Variants in SCG3 observed in about 807,000 individuals in gnomAD.
SCG3 encodes the protein secretogranin-3.
Under a neutral mutation model 56.2 loss-of-function variants are expected in SCG3, and 38 were observed. That is an observed-to-expected ratio of 0.68 (90% CI 0.52 to 0.89). The LOEUF (loss-of-function observed/expected upper bound fraction) is 0.89, where lower values mean the gene tolerates loss of function less well. SCG3 is among the 40% of genes least tolerant of loss of function. The pLI, the probability that SCG3 is intolerant of heterozygous loss-of-function variation, is 0.00. For missense variants in SCG3, 524 were observed against 540.7 expected (o/e 0.97, Z 0.31); for synonymous variants, 176 against 184.2 (o/e 0.96, Z 0.36).
intron 7 of SCG3, among the ~76,000 whole-genome samples, chr15:51,692,835 A>G (rs1045214725): frequency 6.6e-6 from 1 of 152,186 alleles, no homozygotes; most frequent in African/African-American, 2.4e-5. Context: ...TAACTAGTGT[A>G]TCTATCACCT....
Position 51,681,690 on chromosome 15 carries a change from T to C in SCG3, c.-66T>C, listed in dbSNP as rs2055195148. 37 of 831,414 alleles carry C rather than the reference T, an allele frequency of 4.5e-5. 2 individuals are homozygous for C. The South Asian group carries it at 4.9e-4, about 11-fold the overall frequency. 51.5% of individuals were successfully genotyped at this position (831,414 alleles called of 1,614,324 possible). A position where few individuals can be genotyped will look rare whatever the true frequency, so the allele number is the denominator to read the frequency against. On this transcript the variant is annotated 5_prime_UTR_variant, in exon 1 of 12. Transcript: ENST00000220478. ...TTCCTGTTTTTACTCCTCCTTTTCA[T>C]TCATAACAAAAGCTACAGCTCCAGG...
chr15:51,694,731 T>A (rs1437896529), intron 7 of SCG3, among the ~76,000 whole-genome samples: 1 of 152,158 alleles, frequency 6.6e-6, no homozygotes, highest in Admixed American at 6.5e-5. Context: ...GAATGTCAAA[T>A]ACAAAGGGTT....
At chr15:51,701,454 T>C (rs904822467) in intron 10 of SCG3, among the ~76,000 whole-genome samples, 1 of 152,252 alleles carries the variant, frequency 6.6e-6, no homozygotes, top group Non-Finnish European at 1.5e-5. Flanking sequence ...TGATTTCATC[T>C]TTTGATAGTC....
chr15:51,681,964 G>T, intron 1 of SCG3, 127 bp downstream of exon 1: 1 of 685,968 alleles, frequency 1.5e-6, no homozygotes, highest in South Asian at 1.8e-5. Context: ...CATGAATACG[G>T]ACAGAGAAAT....
intron 10 of SCG3, among the ~76,000 whole-genome samples, chr15:51,706,719 T>C (rs980067804): frequency 2.0e-5 from 3 of 152,096 alleles, no homozygotes; most frequent in Admixed American, 2.0e-4. Context: ...TCTATATTTA[T>C]ATCATGCTTC....
intron 11 of SCG3, among the ~76,000 whole-genome samples, chr15:51,717,284 C>A (rs975635379): frequency 6.6e-6 from 1 of 151,604 alleles, no homozygotes; most frequent in Non-Finnish European, 1.5e-5. Flanking sequence ...AGAAGAATGG[C>A]GTGAACCCGG....
Position 51,692,340 on chromosome 15 carries a change from A to G in SCG3, c.868+4A>G, listed in dbSNP as rs780358884. On this transcript the variant is annotated splice_donor_region_variant and intron_variant, in intron 7 of 11. Coordinates refer to ENST00000220478, the MANE Select transcript of SCG3 (RefSeq NM_013243.4). ...CTACTGAAAAGTATTGATTCAGGTA[A>G]CCACTGTGTGGTTGTGATTATGTGG... 1 of 1,612,046 alleles carries G rather than the reference A, an allele frequency of 6.2e-7. No individual in the cohort carries two copies. Among genetic ancestry groups the G allele is most frequent in the Admixed American group, 1.7e-5 (1 of 59,818 alleles).
chr15:51,704,794 T>TATATATATATATATAC (rs1461091125), intron 10 of SCG3, among the ~76,000 whole-genome samples: 3 of 140,428 alleles, frequency 2.1e-5, no homozygotes, highest in Admixed American at 1.4e-4. Context: ...TATATATATA[T>TATATATATATATATAC]ACATCTCTCT....
chr15:51,692,705 ACT>A (rs1315522399), intron 7 of SCG3, among the ~76,000 whole-genome samples: 1 of 151,888 alleles, frequency 6.6e-6, no homozygotes, highest in Non-Finnish European at 1.5e-5. Flanking sequence ...TCTTATTGCA[ACT>A]CTTTTTTTCT....
intron 4 of SCG3, 52 bp from the exon 5 acceptor site, chr15:51,688,208 A>T (rs1000496419): frequency 3.2e-6 from 5 of 1,538,844 alleles, no homozygotes; most frequent in Admixed American, 1.8e-5. Context: ...AATATGATGC[A>T]TGAAATAGAT....
intron 7 of SCG3, chr15:51,693,123 G>A (rs1306295638): frequency 6.6e-6 from 1 of 152,100 alleles, no homozygotes; most frequent in Admixed American, 6.5e-5. Flanking sequence ...CTACATATAA[G>A]TGAGATCATA....
chr15:51,710,269 G>A (rs2055412170), intron 10 of SCG3, among the ~76,000 whole-genome samples: 1 of 152,122 alleles, frequency 6.6e-6, no homozygotes, highest in Non-Finnish European at 1.5e-5. Flanking sequence ...TGCTACAGTA[G>A]AAGGTAATAA....
intron 10 of SCG3, among the ~76,000 whole-genome samples, chr15:51,707,471 G>A (rs77109818): frequency 0.049 from 7,427 of 152,268 alleles, 580 homozygotes; most frequent in African/African-American, 0.17. Flanking sequence ...GGGTCAGGAA[G>A]ACCCAAGTAG....
intron 11 of SCG3, chr15:51,715,065 T>C (rs2055445151): frequency 6.6e-6 from 1 of 152,204 alleles, no homozygotes; most frequent in Non-Finnish European, 1.5e-5. Flanking sequence ...GGTACATCAA[T>C]TTGGAGTATT....
At chr15:51,693,770 C>T (rs1389676712) in intron 7 of SCG3, 4 of 152,182 alleles carry the variant, frequency 2.6e-5, no homozygotes, top group South Asian at 4.1e-4. Context: ...CAGATGGCAC[C>T]GGCCACTCTG....
At chr15:51,704,244 C>CATACATACATATAT (rs751546589) in intron 10 of SCG3, among the ~76,000 whole-genome samples, 18 of 73,628 alleles carry the variant, frequency 2.4e-4, no homozygotes, top group South Asian at 1.4e-3. Flanking sequence ...TACATACATA[C>CATACATACATATAT]ATATATATAT....
intron 4 of SCG3, among the ~76,000 whole-genome samples, chr15:51,686,369 A>C (rs2055228692): frequency 6.6e-6 from 1 of 152,048 alleles, no homozygotes; most frequent in South Asian, 2.1e-4. Context: ...CAGAGCAAAG[A>C]CTCTTCAGTG....
intron 10 of SCG3, among the ~76,000 whole-genome samples, chr15:51,706,936 T>A (rs2055380135): frequency 6.6e-6 from 1 of 152,200 alleles, no homozygotes; most frequent in Non-Finnish European, 1.5e-5. Context: ...ATTCCTAAGT[T>A]TATGGATATG....
At chr15:51,703,864 A>G (rs894197913) in intron 10 of SCG3, among the ~76,000 whole-genome samples, 1 of 152,042 alleles carries the variant, frequency 6.6e-6, no homozygotes, top group Non-Finnish European at 1.5e-5. Context: ...TTTCTCTAGC[A>G]TGGATTTCAT....
Sources: gnomAD v4.1 joint callset for allele counts (sites outside exome capture counted in the v4.1 genomes callset) on GRCh38, gnomAD v4.1.1 for gene constraint, MANE v1.5 for transcripts, NCBI Gene and HGNC (gene_info 2026-07-23, HGNC 2026-07-21) for gene names.